Variants in STX8 observed in about 807,000 individuals in gnomAD.
STX8 encodes the protein syntaxin 8, also known as syntaxin-8.
STX8 carries 23 observed loss-of-function variants against 37.5 expected under a neutral mutation model. That is an observed-to-expected ratio of 0.61 (90% CI 0.44 to 0.87). The LOEUF (loss-of-function observed/expected upper bound fraction) is 0.87. Among genes scored for constraint, STX8 ranks in the 40% least tolerant of loss-of-function variants. The pLI is 0.00. For missense variants in STX8, 313 were observed against 284.7 expected (o/e 1.10, Z -0.71); for synonymous variants, 115 against 99.1 (o/e 1.16, Z -0.95).
intron 3 of STX8, among the ~76,000 whole-genome samples, chr17:9,551,891 T>TG (rs1906774003): frequency 6.7e-6 from 1 of 150,076 alleles, no homozygotes; most frequent in African/African-American, 2.5e-5. Context: ...CCAAAAAAAC[T>TG]AGGGGGGGGT....
chr17:9,403,922 G>A (rs1370486415), intron 6 of STX8, among the ~76,000 whole-genome samples: 4 of 152,054 alleles, frequency 2.6e-5, no homozygotes, highest in Non-Finnish European at 4.4e-5. Context: ...CTGGGATTAC[G>A]GGAGTGAGCC....
At chr17:9,510,827 G>T (rs1333798309) in intron 4 of STX8, among the ~76,000 whole-genome samples, 1 of 151,856 alleles carries the variant, frequency 6.6e-6, no homozygotes, top group Non-Finnish European at 1.5e-5. Flanking sequence ...CAAAATAAAA[G>T]TTGGTTTTGT....
At chr17:9,492,008 T>C in intron 5 of STX8, 87 bp from the exon 6 acceptor site, 1 of 891,750 alleles carries the variant, frequency 1.1e-6, no homozygotes, top group African/African-American at 1.7e-5. Context: ...TAACACAAGT[T>C]GACATATAAA....
At chr17:9,385,977 T>A (rs1366129457) in intron 6 of STX8, among the ~76,000 whole-genome samples, 8 of 152,164 alleles carry the variant, frequency 5.3e-5, no homozygotes, top group Non-Finnish European at 1.2e-4. Context: ...TTTCACCATG[T>A]TGGCCAGGCT....
At chr17:9,436,310 G>A (rs977746858) in intron 6 of STX8, among the ~76,000 whole-genome samples, 6 of 149,516 alleles carry the variant, frequency 4.0e-5, no homozygotes, top group Admixed American at 2.0e-4. Flanking sequence ...GTGCCACTGC[G>A]CTCCAGCTTG....
intron 7 of STX8, among the ~76,000 whole-genome samples, chr17:9,358,080 G>A (rs765812974): frequency 1.3e-5 from 2 of 152,158 alleles, no homozygotes; most frequent in African/African-American, 2.4e-5. Context: ...CAATTTTTAG[G>A]TGCAGTGGCT....
intron 6 of STX8, among the ~76,000 whole-genome samples, chr17:9,490,562 G>A (rs1906811641): frequency 6.6e-6 from 1 of 151,766 alleles, no homozygotes; most frequent in Non-Finnish European, 1.5e-5. Context: ...TAGTAGAGAT[G>A]AGGTCTCATC....
chr17:9,343,044 G>A (rs1910424506), intron 7 of STX8, among the ~76,000 whole-genome samples: 2 of 126,678 alleles, frequency 1.6e-5, no homozygotes, highest in African/African-American at 6.5e-5. Context: ...AAAAAAAAAA[G>A]CTGCAAATGT....
intron 6 of STX8, among the ~76,000 whole-genome samples, chr17:9,442,947 T>G (rs1286571673): frequency 6.6e-6 from 1 of 152,158 alleles, no homozygotes; most frequent in African/African-American, 2.4e-5. Context: ...TAATATGGCC[T>G]CAGAGGCATC....
At chr17:9,538,090 T>C (rs1373941606) in intron 4 of STX8, among the ~76,000 whole-genome samples, 1 of 152,212 alleles carries the variant, frequency 6.6e-6, no homozygotes, top group African/African-American at 2.4e-5. Context: ...TATTTTTCAT[T>C]AAACTAGCAG....
intron 2 of STX8, among the ~76,000 whole-genome samples, chr17:9,558,093 G>A (rs1026470836): frequency 5.6e-4 from 86 of 152,266 alleles, no homozygotes; most frequent in African/African-American, 2.0e-3. Context: ...CCAGGAGGGT[G>A]CGCATTTTCT....
chr17:9,274,782 C>T lies in STX8; in HGVS notation c.644-24137G>A, dbSNP rs1343475079. Among the ~76,000 whole-genome samples, 7 of 110,650 alleles carry T rather than the reference C, an allele frequency of 6.3e-5. No individual in the cohort carries two copies. In the East Asian group the frequency reaches 1.8e-3, roughly 29 times the overall value. 72.6% of individuals were successfully genotyped at this position (110,650 alleles called of 152,430 possible). On this transcript the variant is annotated intron_variant, in intron 7 of 7. Transcript: ENST00000306357. ...TTTTTTTTTTTTTGAGACGGAGTCT[C>T]GCTCTGTCACCAGGCTGGAGTGCAG...
chr17:9,288,383 C>G (rs186948001), intron 7 of STX8, among the ~76,000 whole-genome samples: 1 of 151,870 alleles, frequency 6.6e-6, no homozygotes, highest in Non-Finnish European at 1.5e-5. Context: ...TTCAATGGGC[C>G]GGGCGCGGTG....
chr17:9,373,782 A>C (rs575362355), intron 7 of STX8, among the ~76,000 whole-genome samples: 24 of 152,146 alleles, frequency 1.6e-4, no homozygotes, highest in African/African-American at 5.8e-4. Context: ...TCTACTAAAA[A>C]TACAAAATTA....
intron 7 of STX8, among the ~76,000 whole-genome samples, chr17:9,371,580 T>C (rs1189384243): frequency 1.3e-5 from 2 of 152,104 alleles, no homozygotes; most frequent in Non-Finnish European, 2.9e-5. Context: ...ATAATTTAAC[T>C]GCCTAGCATT....
intron 7 of STX8, among the ~76,000 whole-genome samples, chr17:9,362,848 T>TAA (rs1567798062): frequency 5.5e-5 from 8 of 145,084 alleles, no homozygotes; most frequent in South Asian, 2.2e-4. Context: ...AAAAAATAAA[T>TAA]AAATAAATAA....
chr17:9,259,350 C>T (rs1426233626), intron 7 of STX8, among the ~76,000 whole-genome samples: 1 of 152,154 alleles, frequency 6.6e-6, no homozygotes, highest in Non-Finnish European at 1.5e-5. Flanking sequence ...GAAACGGGTG[C>T]CTAGTGGTCG....
intron 2 of STX8, among the ~76,000 whole-genome samples, chr17:9,564,212 T>C (rs1294134305): frequency 2.0e-5 from 3 of 151,090 alleles, no homozygotes; most frequent in African/African-American, 4.9e-5. Flanking sequence ...ACCACTCCTA[T>C]TCAACATAGT....
At chr17:9,439,130 C>T (rs926168503) in intron 6 of STX8, among the ~76,000 whole-genome samples, 7 of 151,952 alleles carry the variant, frequency 4.6e-5, no homozygotes, top group Non-Finnish European at 4.4e-5. Flanking sequence ...TGTACAAAAA[C>T]GGGATAAACC....
Sources: gnomAD v4.1 joint callset for allele counts (sites outside exome capture counted in the v4.1 genomes callset) on GRCh38, gnomAD v4.1.1 for gene constraint, MANE v1.5 for transcripts, NCBI Gene and HGNC (gene_info 2026-07-23, HGNC 2026-07-21) for gene names.